The following SEMA4B variants were observed in gnomAD, a reference collection of about 807,000 sequenced individuals.
SEMA4B encodes semaphorin-4B.
SEMA4B carries 55 observed loss-of-function variants against 88.1 expected under a neutral mutation model. The observed-to-expected ratio is 0.62, with a 90% CI of 0.50 to 0.78. The LOEUF (loss-of-function observed/expected upper bound fraction) is 0.78. Among genes scored for constraint, SEMA4B ranks in the 30% least tolerant of loss-of-function variants. The pLI, the probability that SEMA4B is intolerant of heterozygous loss-of-function variation, is 0.00. For missense variants in SEMA4B, 1,062 were observed against 1,111.9 expected (o/e 0.96, Z 0.64); for synonymous variants, 525 against 473.6 (o/e 1.11, Z -1.41).
rs1962278041 is a variant in SEMA4B at position 90,228,126 on chromosome 15, T to A, written c.1997T>A (p.Leu666Gln). 1.2e-6 allele frequency: 2 copies of A among 1,611,622 alleles called. No individual in the cohort carries two copies. The highest frequency in any genetic ancestry group is 1.7e-5 in the Admixed American group (1 of 59,574). Residue 666 changes from leucine to glutamine, a missense_variant, in exon 14 of 14, where the codon CTG (leucine) becomes CAG (glutamine). Physicochemically the swap from Leu to Gln is moderately radical, Grantham distance 113. Coordinates refer to ENST00000411539, the MANE Select transcript of SEMA4B (RefSeq NM_198925.4). ...TCACTAGAGGAGGGCTTCCAGCAGCTGGTAGCCAGCTACTGCCCAGAGGTG... is the reference window on the plus strand; with the variant it reads ...TCACTAGAGGAGGGCTTCCAGCAGCAGGTAGCCAGCTACTGCCCAGAGGTG... The part of the protein sequence containing the change: ...CWSLEEGFQQ[L>Q]VASYCPEVVE...
rs1054565646 is a variant in SEMA4B at position 90,201,442 on chromosome 15, A to G, written c.-137A>G. ...CAGGGCCCACTTGACCCTGTTTCCC[A>G]CCTCCCGCCCCCCAGGTCCGGAGGC... is the stretch of plus-strand genomic sequence containing the variant. On this transcript the variant is annotated 5_prime_UTR_variant, in exon 1 of 14. Coordinates refer to ENST00000411539, the MANE Select transcript of SEMA4B (RefSeq NM_198925.4). 7.7e-7 allele frequency: 1 copy of G among 1,295,392 alleles called. No individual in the cohort carries two copies. The allele number at this position is 1,295,392 out of a possible 1,614,324, so 80.2% of individuals were successfully genotyped here. A position where few individuals can be genotyped will look rare whatever the true frequency, so the allele number is the denominator to read the frequency against.
chr15:90,208,647 CAT>C (rs749976913), intron 1 of SEMA4B, among the ~76,000 whole-genome samples: 68 of 152,352 alleles, frequency 4.5e-4, no homozygotes, highest in Middle Eastern at 3.4e-3. Context: ...GATTCACACA[CAT>C]GTCTTGTGCC....
Position 90,212,384 on chromosome 15 carries a change from C to T in SEMA4B, c.158-5055C>T, listed in dbSNP as rs192351938. 4.6e-5 allele frequency among the ~76,000 whole-genome samples: 7 copies of T among 152,244 alleles called. 1 individual carries two copies. The South Asian group carries it at 8.3e-4, about 18-fold the overall frequency. Reference sequence around the variant, plus strand: ...GTTCACCCTGAATGGGAAAACCGGCCGCAGCCTCGGCGTGCCCTGCTTTCT... The same window carrying T: ...GTTCACCCTGAATGGGAAAACCGGCTGCAGCCTCGGCGTGCCCTGCTTTCT... On this transcript the variant is annotated intron_variant, in intron 1 of 13. Transcript: ENST00000411539. The surrounding 1 kb of genome is among the most constrained non-coding windows in gnomAD (Gnocchi z 4.0).
chr15:90,185,056 C>A (rs1008331258), exon 1 of SEMA4B: 2 of 985,170 alleles, frequency 2.0e-6, no homozygotes, highest in African/African-American at 3.5e-5. Flanking sequence ...GGGCGATGAC[C>A]GTGCGCTGAC....
intron 12 of SEMA4B, among the ~76,000 whole-genome samples, chr15:90,226,409 C>T (rs560580862): frequency 4.6e-5 from 7 of 152,270 alleles, no homozygotes; most frequent in African/African-American, 1.4e-4. Flanking sequence ...GGCACAATCT[C>T]GGTTCACTGC....
chr15:90,219,612 ACT>A (rs761937478), intron 3 of SEMA4B, 179 bp from the exon 4 acceptor site: 136 of 582,186 alleles, frequency 2.3e-4, no homozygotes, highest in South Asian at 2.0e-3. Context: ...CAGCACACAC[ACT>A]CTGTGCACGC....
At chr15:90,220,915 CTT>C in intron 4 of SEMA4B, 65 bp from the exon 5 acceptor site, 1 of 1,086,664 alleles carries the variant, frequency 9.2e-7, no homozygotes, top group Non-Finnish European at 1.4e-6. Flanking sequence ...ACGCCTCTCT[CTT>C]TCTCACCAAG....
At chr15:90,186,176 C>T (rs980928855) in intron 1 of SEMA4B, among the ~76,000 whole-genome samples, 2 of 151,928 alleles carry the variant, frequency 1.3e-5, no homozygotes, top group Non-Finnish European at 1.5e-5. Flanking sequence ...TCAAGTGATC[C>T]GCCCACTTTG....
At chr15:90,221,161 C>G in intron 5 of SEMA4B, 68 bp downstream of exon 5, 1 of 1,234,788 alleles carries the variant, frequency 8.1e-7, no homozygotes, top group Non-Finnish European at 1.2e-6. Context: ...AGAGGGCTAG[C>G]TTTGGACAGG....
At chr15:90,193,791 G>A (rs1346605488) in intron 1 of SEMA4B, among the ~76,000 whole-genome samples, 1 of 151,916 alleles carries the variant, frequency 6.6e-6, no homozygotes, top group East Asian at 1.9e-4. Context: ...AGAAGGAAAT[G>A]TAGCTAGTAC....
chr15:90,225,516 C>A, intron 11 of SEMA4B, 119 bp downstream of exon 11: 1 of 1,280,562 alleles, frequency 7.8e-7, no homozygotes, highest in Non-Finnish European at 1.1e-6. Flanking sequence ...ATAAAGGATC[C>A]AGTCATGAAC....
intron 1 of SEMA4B, 90 bp from the exon 2 acceptor site, chr15:90,217,349 T>A: frequency 7.3e-7 from 1 of 1,364,088 alleles, no homozygotes; most frequent in Non-Finnish European, 9.9e-7. Flanking sequence ...GCTGATTACC[T>A]TCCTTTAAAC....
chr15:90,213,871 C>A (rs528956720), intron 1 of SEMA4B, among the ~76,000 whole-genome samples: 6 of 152,226 alleles, frequency 3.9e-5, no homozygotes, highest in African/African-American at 9.6e-5. Flanking sequence ...TTATATGTCT[C>A]ATTCCTCCCG....
chr15:90,225,660 G>T lies in SEMA4B; in HGVS notation c.1522-1G>T. 1.3e-6 allele frequency: 2 copies of T among 1,562,872 alleles called. No individual in the cohort carries two copies. Among genetic ancestry groups the T allele is most frequent in the Non-Finnish European group, 1.7e-6 (2 of 1,154,830 alleles). On this transcript the variant is annotated splice_acceptor_variant, in intron 11 of 13. Transcript: ENST00000411539. LOFTEE classifies it high-confidence loss of function. ...TCTCATCCCCGTGTCTGGCTGTGCA[G>T]GGGCTGCTGTATGCGGCCTCACACT... is the stretch of plus-strand genomic sequence containing the variant.
At chr15:90,201,016 T>C, upstream of SEMA4B, among the ~76,000 whole-genome samples, 1 of 152,150 alleles carries the variant, frequency 6.6e-6, no homozygotes, top group South Asian at 2.1e-4. Context: ...CCTAACTCCC[T>C]AGGCGCATAG....
chr15:90,195,372 G>A (rs1308743160), intron 1 of SEMA4B, among the ~76,000 whole-genome samples: 1 of 152,108 alleles, frequency 6.6e-6, no homozygotes, highest in Admixed American at 6.6e-5. Flanking sequence ...GATTACAGGT[G>A]TCAGCCACCT....
chr15:90,227,193 G>A (rs137971966), intron 12 of SEMA4B: 12 of 227,664 alleles, frequency 5.3e-5, no homozygotes, highest in East Asian at 4.8e-4. Context: ...AACCACAGGC[G>A]TGCGCCACCA....
chr15:90,188,496 C>CGG (rs1567040659), intron 1 of SEMA4B, among the ~76,000 whole-genome samples: 6 of 150,816 alleles, frequency 4.0e-5, no homozygotes, highest in African/African-American at 9.7e-5. Context: ...GGCATGGTGG[C>CGG]GCATGCCTGT....
intron 11 of SEMA4B, 38 bp downstream of exon 11, chr15:90,225,435 G>C: frequency 6.6e-7 from 1 of 1,525,380 alleles, no homozygotes. Flanking sequence ...AGGGTACTTG[G>C]GGGGTGCCCT....
Sources: gnomAD v4.1 joint callset for allele counts (sites outside exome capture counted in the v4.1 genomes callset) on GRCh38, gnomAD v4.1.1 for gene constraint, Gnocchi (gnomAD v3.1) non-coding constraint, MANE v1.5 for transcripts, NCBI Gene and HGNC (gene_info 2026-07-23, HGNC 2026-07-21) for gene names.